SIN3A: variants seen among roughly 807,000 people sequenced by gnomAD.
SIN3A encodes SIN3 transcription regulator family member A, also known as paired amphipathic helix protein Sin3a.
Under a neutral mutation model 146.1 loss-of-function variants are expected in SIN3A, and 14 were observed. The ratio of observed to expected loss-of-function variants is 0.10; its 90% CI spans 0.06 to 0.15. The LOEUF (loss-of-function observed/expected upper bound fraction) is 0.15, where lower values mean the gene tolerates loss of function less well. SIN3A is among the 10% of genes least tolerant of loss of function. SIN3A has a pLI of 1.00. For missense variants in SIN3A, 1,028 were observed against 1,576.0 expected (o/e 0.65, Z 5.89); for synonymous variants, 572 against 572.0 (o/e 1.00, Z 0.00).
intron 1 of SIN3A, among the ~76,000 whole-genome samples, chr15:75,432,827 G>A (rs1436034320): frequency 6.6e-6 from 1 of 151,650 alleles, no homozygotes; most frequent in South Asian, 2.1e-4. Context: ...TGGATCACCT[G>A]AAGTCAGGAG....
intron 12 of SIN3A, among the ~76,000 whole-genome samples, chr15:75,399,267 A>C (rs1373139433): frequency 6.6e-6 from 1 of 151,942 alleles, no homozygotes; most frequent in Non-Finnish European, 1.5e-5. Context: ...AGTGGCTCAC[A>C]CCTGTAATCC....
intron 1 of SIN3A, among the ~76,000 whole-genome samples, chr15:75,444,422 G>A (rs779240716): frequency 9.9e-5 from 15 of 151,878 alleles, no homozygotes; most frequent in Non-Finnish European, 2.2e-4. Context: ...GCCTGGGGAT[G>A]GAACAAGACC....
rs775644579 is a variant in SIN3A at position 75,392,256 on chromosome 15, C to A, written c.2837G>T (p.Arg946Leu). ...TCGGCACTCACTAGGTTCTTTGAGACGTAGCTGAATGGCAGGGCTGTCACT... is the reference window on the plus strand; with the variant it reads ...TCGGCACTCACTAGGTTCTTTGAGAAGTAGCTGAATGGCAGGGCTGTCACT... ...DKSDSPAIQL[R>L]LKEPMDVDVE... Residue 946 changes from arginine to leucine, a missense_variant, in exon 15 of 21, where the codon CGT becomes CTT. Around this residue, in one of 9 missense-constraint regions of SIN3A, gnomAD observed 488 missense variants for 690.2 expected, o/e 0.71. Coordinates refer to ENST00000394947, the MANE Select transcript of SIN3A (RefSeq NM_001145358.2). The A allele has an allele frequency of 6.2e-7, 1 of 1,612,916 alleles. No homozygotes were observed. Among genetic ancestry groups the A allele is most frequent in the African/African-American group, 1.3e-5 (1 of 74,918 alleles).
chr15:75,425,017 C>T lies in SIN3A; in HGVS notation c.190-2194G>A, dbSNP rs541608203. 7.0e-4 allele frequency among the ~76,000 whole-genome samples: 107 copies of T among 152,166 alleles called. 3 individuals are homozygous for T. The highest frequency in any genetic ancestry group is 5.3e-3 in the Admixed American group (81 of 15,268). On this transcript the variant is annotated intron_variant, in intron 2 of 20. Coordinates refer to ENST00000394947, the MANE Select transcript of SIN3A (RefSeq NM_001145358.2). ...TAAACTTTTAAATAGTTTTTTAAAG[C>T]ACATTACACTGGCTGACAAAGACCC...
rs988141780 is a variant in SIN3A at position 75,408,932 on chromosome 15, G to T, written c.1317+904C>A. Among the ~76,000 whole-genome samples, 5 of 152,152 alleles carry T rather than the reference G, an allele frequency of 3.3e-5. No individual in the cohort carries two copies. The East Asian group carries it at 9.6e-4, about 29-fold the overall frequency. On this transcript the variant is annotated intron_variant, in intron 8 of 20. Coordinates refer to ENST00000394947, the MANE Select transcript of SIN3A (RefSeq NM_001145358.2). Reference sequence around the variant, plus strand: ...CATCAAAGAAGAAGGGGCCAGGCGCGGTGGCTCACGCCTGTAATTCCAGCA... The same window carrying T: ...CATCAAAGAAGAAGGGGCCAGGCGCTGTGGCTCACGCCTGTAATTCCAGCA...
intron 15 of SIN3A, among the ~76,000 whole-genome samples, chr15:75,390,978 G>C (rs2141420091): frequency 6.6e-6 from 1 of 152,254 alleles, no homozygotes. Context: ...GTTTGTGCTG[G>C]AGAAAAAAGG....
At chr15:75,399,477 G>T (rs562839414) in intron 12 of SIN3A, among the ~76,000 whole-genome samples, 1 of 152,156 alleles carries the variant, frequency 6.6e-6, no homozygotes, top group Non-Finnish European at 1.5e-5. Context: ...GCAGTGAGCC[G>T]AGATTGCGCC....
rs1290878850 is a variant in SIN3A, at chr15:75,407,155, A to C, written c.1318-11T>G. Reference sequence around the variant, plus strand: ...CAGTTTGGGTTTCTTCTGCAAAAGAAAGATACAAACATGTGAGATTCAACG... The same window carrying C: ...CAGTTTGGGTTTCTTCTGCAAAAGACAGATACAAACATGTGAGATTCAACG... On this transcript the variant is annotated splice_polypyrimidine_tract_variant and intron_variant, in intron 8 of 20. Transcript: ENST00000394947. The C allele has an allele frequency of 9.5e-6, 15 of 1,578,234 alleles. No homozygotes were observed. Among genetic ancestry groups the C allele is most frequent in the Non-Finnish European group, 1.3e-5 (15 of 1,149,232 alleles).
intron 14 of SIN3A, 140 bp downstream of exon 14, chr15:75,394,540 A>C: frequency 1.7e-6 from 1 of 598,956 alleles, no homozygotes. Flanking sequence ...AGGAATAGAA[A>C]AGGCTATGAC....
At chr15:75,433,496 C>T (rs1216805944) in intron 1 of SIN3A, among the ~76,000 whole-genome samples, 4 of 152,120 alleles carry the variant, frequency 2.6e-5, no homozygotes, top group Non-Finnish European at 5.9e-5. Context: ...GTTTGCTTTC[C>T]ATACCACCTC....
Position 75,375,645 on chromosome 15 carries a change from T to C in SIN3A, c.3591+20A>G. On this transcript the variant is annotated intron_variant, in intron 20 of 20. Coordinates refer to ENST00000394947, the MANE Select transcript of SIN3A (RefSeq NM_001145358.2). ...CTAGGGTGGGAGATGTGTACAGAAA[T>C]TTCAGTTACTGGTTCTCACCTGATG... 1 of 1,605,854 alleles carries C rather than the reference T, an allele frequency of 6.2e-7. No homozygotes were observed. Among genetic ancestry groups the C allele is most frequent in the African/African-American group, 1.3e-5 (1 of 74,842 alleles).
chr15:75,413,069 T>C (rs534143171), intron 4 of SIN3A, 24 bp from the exon 5 acceptor site: 1 of 1,580,744 alleles, frequency 6.3e-7, no homozygotes, highest in Admixed American at 2.0e-5. Flanking sequence ...AAAAGAAAAG[T>C]GATAAACTGT....
intron 5 of SIN3A, among the ~76,000 whole-genome samples, chr15:75,412,335 C>G: frequency 6.6e-6 from 1 of 152,204 alleles, no homozygotes; most frequent in Non-Finnish European, 1.5e-5. Context: ...ATCTTCATCA[C>G]CATCACTATC....
intron 1 of SIN3A, among the ~76,000 whole-genome samples, chr15:75,430,862 A>G (rs1356473391): frequency 6.6e-6 from 1 of 151,088 alleles, no homozygotes; most frequent in Non-Finnish European, 1.5e-5. Context: ...TGCAAGATCC[A>G]CCTCCCGGGT....
intron 19 of SIN3A, among the ~76,000 whole-genome samples, chr15:75,379,102 TGTTA>T (rs1266226945): frequency 1.3e-5 from 2 of 152,108 alleles, no homozygotes; most frequent in Non-Finnish European, 2.9e-5. Flanking sequence ...GGTTTCACTG[TGTTA>T]GCCAGGATGG....
intron 18 of SIN3A, 88 bp from the exon 19 acceptor site, chr15:75,380,811 C>CA: frequency 1.2e-6 from 1 of 857,284 alleles, no homozygotes; most frequent in East Asian, 2.5e-5. Context: ...TCTATGATTA[C>CA]AATGCCCCGA....
chr15:75,418,401 C>T (rs1030379118), intron 3 of SIN3A, among the ~76,000 whole-genome samples: 6 of 152,040 alleles, frequency 3.9e-5, no homozygotes, highest in Admixed American at 6.6e-5. Flanking sequence ...ATTCGGCTCA[C>T]TGCAACTTCC....
intron 1 of SIN3A, among the ~76,000 whole-genome samples, chr15:75,450,702 G>A (rs2074387798): frequency 6.6e-6 from 1 of 152,242 alleles, no homozygotes; most frequent in South Asian, 2.1e-4. Context: ...GCATGACCCA[G>A]CCACAAGAGT....
upstream of SIN3A, chr15:75,454,987 G>C (rs2074467610): frequency 6.6e-6 from 1 of 152,028 alleles, no homozygotes; most frequent in Admixed American, 6.5e-5. Context: ...TTGGAGACCC[G>C]GCAGCTCGCA....
Sources: allele counts gnomAD v4.1 joint callset (sites outside exome capture counted in the v4.1 genomes callset), GRCh38; gene constraint gnomAD v4.1.1; regional missense constraint gnomAD v4.1.1; transcripts MANE v1.5; gene names NCBI Gene and HGNC (gene_info 2026-07-23, HGNC 2026-07-21).